Variants in PAX5 observed in about 807,000 individuals in gnomAD.
The protein encoded by PAX5 is paired box protein Pax-5.
In PAX5, 9 loss-of-function variants were observed where a neutral mutation model predicts 43.7. The observed-to-expected ratio is 0.21, with a 90% CI of 0.12 to 0.36. The LOEUF (loss-of-function observed/expected upper bound fraction) is 0.36. Among genes scored for constraint, PAX5 ranks in the 10% least tolerant of loss-of-function variants. PAX5 has a pLI of 1.00. For synonymous variants in PAX5, 228 were observed against 214.3 expected (o/e 1.06, Z -0.56); for missense variants, 383 against 532.7 (o/e 0.72, Z 2.77).
At chr9:37,019,629 AC>A (rs755416537) in intron 2 of PAX5, among the ~76,000 whole-genome samples, 4 of 152,170 alleles carry the variant, frequency 2.6e-5, no homozygotes, top group Non-Finnish European at 5.9e-5. Flanking sequence ...CAAAATATTT[AC>A]CTCCTATTCA....
At chr9:36,906,095 G>C (rs1269415566) in intron 7 of PAX5, among the ~76,000 whole-genome samples, 1 of 152,108 alleles carries the variant, frequency 6.6e-6, no homozygotes, top group Non-Finnish European at 1.5e-5. Context: ...CAGGACACAC[G>C]GTGCTCAAGG....
intron 5 of PAX5, among the ~76,000 whole-genome samples, chr9:36,981,619 C>T (rs919049851): frequency 2.0e-5 from 3 of 152,084 alleles, no homozygotes; most frequent in Non-Finnish European, 4.4e-5. Flanking sequence ...GTGGGGTCTC[C>T]CAGGCCTTAC....
At chr9:36,981,852 T>G (rs866049317) in intron 5 of PAX5, among the ~76,000 whole-genome samples, 1 of 152,218 alleles carries the variant, frequency 6.6e-6, no homozygotes, top group Non-Finnish European at 1.5e-5. Context: ...ACAGCACTGG[T>G]CAGAGCAAAC....
chr9:36,890,658 T>C (rs1225545276), intron 7 of PAX5, among the ~76,000 whole-genome samples: 4 of 152,184 alleles, frequency 2.6e-5, no homozygotes, highest in Admixed American at 1.3e-4. Flanking sequence ...CCCATGTTGA[T>C]GGAAAAGAAG....
intron 6 of PAX5, among the ~76,000 whole-genome samples, chr9:36,947,008 G>C (rs1257232521): frequency 2.6e-5 from 4 of 152,224 alleles, no homozygotes; most frequent in African/African-American, 9.7e-5. Context: ...ACAGTGAATA[G>C]TGCTGCCCCC....
chr9:36,914,601 AT>A (rs1829580202), intron 7 of PAX5, among the ~76,000 whole-genome samples: 1 of 152,168 alleles, frequency 6.6e-6, no homozygotes, highest in Non-Finnish European at 1.5e-5. Flanking sequence ...CATTGTTTTG[AT>A]TTTATTTGAA....
chr9:36,910,411 C>T (rs1351346155), intron 7 of PAX5, among the ~76,000 whole-genome samples: 1 of 152,196 alleles, frequency 6.6e-6, no homozygotes, highest in Non-Finnish European at 1.5e-5. Context: ...CTTTCCCACT[C>T]CATTGTGTGG....
Position 36,867,579 on chromosome 9 carries a change from C to T in PAX5, c.1012+14425G>A, listed in dbSNP as rs569385814. Among the ~76,000 whole-genome samples, 11 of 152,348 alleles carry T rather than the reference C, an allele frequency of 7.2e-5. No homozygotes were observed. In the South Asian group the frequency reaches 1.4e-3, roughly 20 times the overall value. On this transcript the variant is annotated intron_variant, in intron 8 of 9. Coordinates refer to ENST00000358127, the MANE Select transcript of PAX5 (RefSeq NM_016734.3). ...TAGCAGCATTGTGAACAAGACCCCACGATGGCCACAGCGGTCAGAAACCCT... is the reference window on the plus strand; with the variant it reads ...TAGCAGCATTGTGAACAAGACCCCATGATGGCCACAGCGGTCAGAAACCCT...
chr9:36,968,048 A>T (rs1439631981), intron 5 of PAX5, among the ~76,000 whole-genome samples: 1 of 152,238 alleles, frequency 6.6e-6, no homozygotes, highest in Non-Finnish European at 1.5e-5. Flanking sequence ...CCTCGGGGGT[A>T]CATCATTCCC....
intron 2 of PAX5, among the ~76,000 whole-genome samples, chr9:37,019,749 G>A (rs1311638699): frequency 6.6e-6 from 1 of 152,184 alleles, no homozygotes; most frequent in East Asian, 1.9e-4. Context: ...GAAAGCTCCT[G>A]CCTGCCAGGG....
chr9:36,948,555 A>G (rs1832742718), intron 6 of PAX5, among the ~76,000 whole-genome samples: 1 of 152,194 alleles, frequency 6.6e-6, no homozygotes, highest in Non-Finnish European at 1.5e-5. Context: ...CTCAGGCAGA[A>G]GTTCTAAAAG....
At chr9:36,864,798 C>T (rs1462242150) in intron 8 of PAX5, among the ~76,000 whole-genome samples, 1 of 152,228 alleles carries the variant, frequency 6.6e-6, no homozygotes, top group African/African-American at 2.4e-5. Context: ...CCCCTCGGAG[C>T]CCCTCCTGGC....
intron 6 of PAX5, among the ~76,000 whole-genome samples, chr9:36,955,793 A>G (rs1415483939): frequency 6.8e-6 from 1 of 146,152 alleles, no homozygotes; most frequent in African/African-American, 2.6e-5. Flanking sequence ...ATATATATAT[A>G]TATATATATA....
At chr9:36,854,628 C>G (rs576330432) in intron 8 of PAX5, among the ~76,000 whole-genome samples, 2 of 152,306 alleles carry the variant, frequency 1.3e-5, no homozygotes, top group East Asian at 3.9e-4. Context: ...AGCCTCTCCC[C>G]CTCGCAGGCC....
chr9:36,892,599 A>C (rs912559864), intron 7 of PAX5, among the ~76,000 whole-genome samples: 1 of 152,216 alleles, frequency 6.6e-6, no homozygotes. Flanking sequence ...TTGTTTCAGT[A>C]GGTGAATCAC....
Position 36,835,928 on chromosome 9 carries a change from C to T in PAX5, c.*4632G>A, listed in dbSNP as rs1345636615. 1 of 233,310 alleles carries T rather than the reference C, an allele frequency of 4.3e-6. No individual in the cohort carries two copies. Among genetic ancestry groups the T allele is most frequent in the Non-Finnish European group, 8.5e-6 (1 of 118,180 alleles). 14.5% of individuals were successfully genotyped at this position (233,310 alleles called of 1,614,324 possible). On this transcript the variant is annotated 3_prime_UTR_variant, in exon 10 of 10. Coordinates refer to ENST00000358127, the MANE Select transcript of PAX5 (RefSeq NM_016734.3). ...GGAAGCTGTATCTTAGACTCCCCTC[C>T]TGGGAAGCTGTATTTCAGACTCATC... is the stretch of plus-strand genomic sequence containing the variant.
intron 1 of PAX5, among the ~76,000 whole-genome samples, chr9:37,030,579 C>G (rs1840883203): frequency 6.6e-6 from 1 of 152,254 alleles, no homozygotes; most frequent in Non-Finnish European, 1.5e-5. Flanking sequence ...GGGCCCTGTG[C>G]TAGGCGCTGG....
intron 9 of PAX5, among the ~76,000 whole-genome samples, chr9:36,844,549 T>C (rs1254191395): frequency 6.6e-6 from 1 of 152,126 alleles, no homozygotes; most frequent in Non-Finnish European, 1.5e-5. Context: ...TTTGCTTCCT[T>C]TTCCTCCTCT....
intron 5 of PAX5, among the ~76,000 whole-genome samples, chr9:36,967,503 G>A (rs1176491343): frequency 6.6e-6 from 1 of 152,182 alleles, no homozygotes; most frequent in Non-Finnish European, 1.5e-5. Flanking sequence ...CTGTGCAGCA[G>A]CTGAAAAGGA....
Sources: gnomAD v4.1 joint callset for allele counts (sites outside exome capture counted in the v4.1 genomes callset) on GRCh38, gnomAD v4.1.1 for gene constraint, MANE v1.5 for transcripts, NCBI Gene and HGNC (gene_info 2026-07-23, HGNC 2026-07-21) for gene names.